The following PREX1 variants were observed in gnomAD, a reference collection of about 807,000 sequenced individuals.
The protein encoded by PREX1 is phosphatidylinositol 3,4,5-trisphosphate-dependent Rac exchanger 1 protein.
Under a neutral mutation model 198.3 loss-of-function variants are expected in PREX1, and 41 were observed. The observed-to-expected ratio is 0.21, with a 90% CI of 0.16 to 0.27. PREX1 has a LOEUF of 0.27. Among genes scored for constraint, PREX1 ranks in the 10% least tolerant of loss-of-function variants. The pLI is 1.00. For synonymous variants in PREX1, 843 were observed against 887.2 expected, an observed-to-expected ratio of 0.95 and a Z score of 0.89; for missense variants, 1,620 against 2,200.7, an observed-to-expected ratio of 0.74 and a Z score of 5.28.
At chr20:48,637,099 T>C (rs995456666) in intron 31 of PREX1, among the ~76,000 whole-genome samples, 2 of 152,220 alleles carry the variant, frequency 1.3e-5, no homozygotes, top group African/African-American at 4.8e-5. Flanking sequence ...TTTAGCATTT[T>C]CTCTATTTTG....
chr20:48,793,517 G>C (rs2090347429), intron 1 of PREX1, among the ~76,000 whole-genome samples: 1 of 152,232 alleles, frequency 6.6e-6, no homozygotes. Flanking sequence ...AAGGTACAGA[G>C]AGATTAAGGG....
rs2089495624 is a variant in PREX1 at position 48,651,384 on chromosome 20, G to A, written c.2655+12C>T. On this transcript the variant is annotated intron_variant, in intron 22 of 39. Transcript: ENST00000371941. The stretch of plus-strand genomic sequence containing the variant: ...CCAGGGTAGGGCAGGGCCAGGCAGT[G>A]CCCAAGGAGACCTTGGCGGTGAGGC... The A allele has an allele frequency of 1.3e-6, 2 of 1,590,802 alleles. No homozygotes were observed. Among genetic ancestry groups the A allele is most frequent in the Non-Finnish European group, 1.7e-6 (2 of 1,165,300 alleles).
At chr20:48,820,666 G>A (rs1276597793) in intron 1 of PREX1, among the ~76,000 whole-genome samples, 5 of 152,196 alleles carry the variant, frequency 3.3e-5, no homozygotes, top group African/African-American at 1.2e-4. Flanking sequence ...ACCACCTCTA[G>A]TGGATACCTG....
At chr20:48,735,695 C>T (rs1461919590) in intron 3 of PREX1, among the ~76,000 whole-genome samples, 3 of 152,110 alleles carry the variant, frequency 2.0e-5, no homozygotes, top group African/African-American at 7.2e-5. Flanking sequence ...TCATTCCCCA[C>T]GACAGCCTTA....
intron 5 of PREX1, among the ~76,000 whole-genome samples, chr20:48,711,292 T>G (rs1184533075): frequency 6.6e-6 from 1 of 152,152 alleles, no homozygotes; most frequent in Non-Finnish European, 1.5e-5. Context: ...AGCCTGCTTG[T>G]AGGCATGTCC....
the PREX1 span, among the ~76,000 whole-genome samples, chr20:48,875,763 T>G: frequency 2.0e-5 from 3 of 151,922 alleles, no homozygotes; most frequent in African/African-American, 7.3e-5. Flanking sequence ...TTGGAGGGTG[T>G]CACGAGGCGA....
chr20:48,652,110 T>C (rs1446022402), intron 21 of PREX1, among the ~76,000 whole-genome samples: 1 of 152,172 alleles, frequency 6.6e-6, no homozygotes, highest in Non-Finnish European at 1.5e-5. Flanking sequence ...CACTTTGCTA[T>C]AGCAGCCATC....
the PREX1 span, among the ~76,000 whole-genome samples, chr20:48,873,016 C>A: frequency 6.6e-6 from 1 of 152,006 alleles, no homozygotes; most frequent in East Asian, 1.9e-4. Context: ...GGCTACATAA[C>A]AAACTCTCAT....
chr20:48,754,331 A>C (rs906651602), intron 1 of PREX1, among the ~76,000 whole-genome samples: 7 of 152,176 alleles, frequency 4.6e-5, no homozygotes, highest in Admixed American at 2.0e-4. Flanking sequence ...ACGGCTGGCA[A>C]GTGAAGGAGC....
At chr20:48,759,031 C>T (rs951481859) in intron 1 of PREX1, among the ~76,000 whole-genome samples, 1 of 152,114 alleles carries the variant, frequency 6.6e-6, no homozygotes, top group African/African-American at 2.4e-5. Context: ...CCCTTAGAAA[C>T]TCTCTCTACT....
At chr20:48,632,777 ACT>A in intron 33 of PREX1, 138 bp from the exon 34 acceptor site, 1 of 887,858 alleles carries the variant, frequency 1.1e-6, no homozygotes, top group Non-Finnish European at 1.7e-6. Flanking sequence ...TGTTCTCCCG[ACT>A]CTACAGGGGT....
chr20:48,690,277 T>C (rs772634395), intron 9 of PREX1, among the ~76,000 whole-genome samples: 4 of 152,114 alleles, frequency 2.6e-5, no homozygotes, highest in Non-Finnish European at 1.5e-5. Context: ...ATATGTCAGA[T>C]TTTGAAATGT....
chr20:48,738,205 G>T (rs919496567), intron 3 of PREX1, among the ~76,000 whole-genome samples: 3 of 152,116 alleles, frequency 2.0e-5, no homozygotes, highest in Non-Finnish European at 2.9e-5. Context: ...CTGGTGAGGA[G>T]GATTCTGGGG....
chr20:48,769,438 C>G (rs942613020), intron 1 of PREX1, among the ~76,000 whole-genome samples: 6 of 152,174 alleles, frequency 3.9e-5, no homozygotes, highest in Non-Finnish European at 4.4e-5. Flanking sequence ...CTAGGAGCCC[C>G]AGCACCCACT....
the PREX1 span, among the ~76,000 whole-genome samples, chr20:48,838,500 A>T: frequency 1.5e-4 from 23 of 152,362 alleles, no homozygotes; most frequent in South Asian, 2.7e-3. Flanking sequence ...CTCACAAGTA[A>T]GTAAATACTT....
At chr20:48,875,550 G>A in the PREX1 span, among the ~76,000 whole-genome samples, 2 of 152,230 alleles carry the variant, frequency 1.3e-5, no homozygotes, top group African/African-American at 4.8e-5. Flanking sequence ...CTTAGAAGCA[G>A]GGCCGCGATC....
At chr20:48,663,612 T>C (rs1045302007) in intron 15 of PREX1, among the ~76,000 whole-genome samples, 1 of 152,276 alleles carries the variant, frequency 6.6e-6, no homozygotes, top group East Asian at 1.9e-4. Flanking sequence ...ACATACTCTC[T>C]ATAGCTGCTT....
intron 37 of PREX1, 118 bp downstream of exon 37, chr20:48,629,331 G>T: frequency 7.5e-7 from 1 of 1,331,178 alleles, no homozygotes; most frequent in African/African-American, 1.5e-5. Flanking sequence ...GGCTCTACAG[G>T]CAATGGCAGA....
chr20:48,644,557 C>T lies in PREX1; in HGVS notation c.3513-60G>A, dbSNP rs576130648. On this transcript the variant is annotated intron_variant, in intron 26 of 39. Coordinates refer to ENST00000371941, the MANE Select transcript of PREX1 (RefSeq NM_020820.4). ...CTGAGCTCAGGCCATCTGGTCCTGG[C>T]ACCCAAAACCCACTTTCTACAGTGT... 18 of 1,462,796 alleles carry T rather than the reference C, an allele frequency of 1.2e-5. No individual in the cohort carries two copies. The African/African-American group carries it at 2.5e-4, about 20-fold the overall frequency. The allele number at this position is 1,462,796 out of a possible 1,614,324, so 90.6% of individuals were successfully genotyped here.
Sources: gnomAD v4.1 joint callset for allele counts (sites outside exome capture counted in the v4.1 genomes callset) on GRCh38, gnomAD v4.1.1 for gene constraint, MANE v1.5 for transcripts, NCBI Gene and HGNC (gene_info 2026-07-23, HGNC 2026-07-21) for gene names.